Variants in PIEZO2 observed in about 807,000 individuals in gnomAD.
PIEZO2 encodes piezo-type mechanosensitive ion channel component 2.
PIEZO2 carries 172 observed loss-of-function variants against 337.3 expected under a neutral mutation model. The ratio of observed to expected loss-of-function variants is 0.51; its 90% CI spans 0.45 to 0.58. The LOEUF is 0.58. Ranked by LOEUF, PIEZO2 falls within the 20% of genes least tolerant of loss-of-function variation. The pLI, the probability that PIEZO2 is intolerant of heterozygous loss-of-function variation, is 0.00. For synonymous variants in PIEZO2, 1,251 were observed against 1,228.5 expected (o/e 1.02, Z -0.38); for missense variants, 3,028 against 3,391.3 (o/e 0.89, Z 2.66).
At chr18:10,817,782 G>A (rs546210713) in intron 7 of PIEZO2, among the ~76,000 whole-genome samples, 1 of 152,026 alleles carries the variant, frequency 6.6e-6, no homozygotes, top group Non-Finnish European at 1.5e-5. Context: ...AATTAGCTGA[G>A]TGTGGTGGCA....
intron 3 of PIEZO2, among the ~76,000 whole-genome samples, chr18:10,967,258 C>T (rs2034047480): frequency 6.6e-6 from 1 of 152,072 alleles, no homozygotes; most frequent in African/African-American, 2.4e-5. Flanking sequence ...ACCTCATGAT[C>T]CACCTGCCTC....
At chr18:10,814,031 A>G (rs1029657893) in intron 7 of PIEZO2, among the ~76,000 whole-genome samples, 1 of 151,372 alleles carries the variant, frequency 6.6e-6, no homozygotes, top group Non-Finnish European at 1.5e-5. Context: ...GCAGTGGCTC[A>G]ATCTCGGCTC....
chr18:10,698,847 C>G, intron 44 of PIEZO2, 78 bp downstream of exon 44: 1 of 1,504,084 alleles, frequency 6.6e-7, no homozygotes, highest in South Asian at 1.2e-5. Context: ...CACTCCCTTG[C>G]CCCAGACCCA....
At chr18:10,734,669 T>C (rs2036927087) in intron 35 of PIEZO2, among the ~76,000 whole-genome samples, 1 of 152,200 alleles carries the variant, frequency 6.6e-6, no homozygotes, top group African/African-American at 2.4e-5. Flanking sequence ...CAAATAATTT[T>C]TGACAGTGTA....
At chr18:11,082,208 A>G (rs765561688) in intron 1 of PIEZO2, among the ~76,000 whole-genome samples, 11 of 152,238 alleles carry the variant, frequency 7.2e-5, no homozygotes, top group Non-Finnish European at 1.5e-4. Flanking sequence ...CTTTATATTG[A>G]CAACTTAATT....
At chr18:11,090,901 GAGACTCCGTCTAAAAAAAA>G (rs1163077463) in intron 1 of PIEZO2, among the ~76,000 whole-genome samples, 1 of 134,376 alleles carries the variant, frequency 7.4e-6, no homozygotes, top group Non-Finnish European at 1.6e-5. Flanking sequence ...GCGACAGAGC[GAGACTCCGTCTAAAAAAAA>G]AAAAAAAAAA....
intron 20 of PIEZO2, among the ~76,000 whole-genome samples, chr18:10,772,251 T>A (rs189144229): frequency 1.1e-4 from 17 of 152,278 alleles, no homozygotes; most frequent in Admixed American, 1.0e-3. Context: ...CTACTGTATT[T>A]AGAGAGTGAC....
intron 4 of PIEZO2, among the ~76,000 whole-genome samples, chr18:10,891,238 C>T (rs991880496): frequency 5.9e-5 from 9 of 152,048 alleles, no homozygotes; most frequent in Non-Finnish European, 8.8e-5. Flanking sequence ...GCAGGAGAAT[C>T]ACTTGAACCC....
chr18:10,939,517 C>G (rs1195582998), intron 3 of PIEZO2, among the ~76,000 whole-genome samples: 1 of 152,146 alleles, frequency 6.6e-6, no homozygotes, highest in Non-Finnish European at 1.5e-5. Context: ...GGAACCAACC[C>G]AAATACCCAT....
Position 10,680,302 on chromosome 18 carries a change from T to A in PIEZO2, c.7849A>T (p.Asn2617Tyr), listed in dbSNP as rs1478269864. 6.2e-7 allele frequency: 1 copy of A among 1,614,030 alleles called. No individual in the cohort carries two copies. Among genetic ancestry groups the A allele is most frequent in the Non-Finnish European group, 8.5e-7 (1 of 1,179,978 alleles). Residue 2617 changes from asparagine (N) to tyrosine (Y), a missense_variant, in exon 52 of 56, where the codon AAT becomes TAT. Physicochemically the swap from Asn to Tyr is moderately radical, Grantham distance 143. Coordinates refer to ENST00000674853, the MANE Select transcript of PIEZO2 (RefSeq NM_001378183.1). ...GGTGGGCTGATGGTCCACAAAGAATTTGAGTTTCCTTCCAGTTCTGCTACT... is the reference window on the plus strand; with the variant it reads ...GGTGGGCTGATGGTCCACAAAGAATATGAGTTTCCTTCCAGTTCTGCTACT... ...ITVAELEGNS[N>Y]SLWTISPPSK...
chr18:11,138,140 A>T (rs1156976139), intron 1 of PIEZO2, among the ~76,000 whole-genome samples: 2 of 152,212 alleles, frequency 1.3e-5, no homozygotes, highest in Non-Finnish European at 2.9e-5. Context: ...AAAATTAGTC[A>T]GTGAATGTTT....
rs2038668314 is a variant in PIEZO2, at chr18:10,773,315, G to T, written c.2785+97C>A. On this transcript the variant is annotated intron_variant, in intron 20 of 55. Transcript: ENST00000674853. This position sits in a 1 kb window ranked among gnomAD's most constrained non-coding sequence, Gnocchi z 5.3. ...CACTCCAATTTTTATGTCATGGACT[G>T]GGTCAAATATATATTCTTTTGGAGC... 4.8e-6 allele frequency: 6 copies of T among 1,237,970 alleles called. No homozygotes were observed. Among genetic ancestry groups the T allele is most frequent in the Non-Finnish European group, 6.8e-6 (6 of 884,958 alleles). 76.7% of individuals were successfully genotyped at this position (1,237,970 alleles called of 1,614,324 possible).
intron 12 of PIEZO2, among the ~76,000 whole-genome samples, chr18:10,796,303 G>A (rs2144225961): frequency 6.6e-6 from 1 of 152,028 alleles, no homozygotes; most frequent in East Asian, 1.9e-4. Flanking sequence ...CCGAGAGGTG[G>A]AGCTTGCAGT....
At chr18:11,117,170 T>C (rs776913785) in intron 1 of PIEZO2, among the ~76,000 whole-genome samples, 1 of 152,178 alleles carries the variant, frequency 6.6e-6, no homozygotes, top group Non-Finnish European at 1.5e-5. Flanking sequence ...TCCAACACAA[T>C]AAAAATGCTA....
chr18:11,106,349 C>T (rs539413997), intron 1 of PIEZO2, among the ~76,000 whole-genome samples: 14 of 151,134 alleles, frequency 9.3e-5, no homozygotes, highest in East Asian at 5.8e-4. Context: ...CCGCCTGCCT[C>T]GGCCTCCCAA....
In PIEZO2 at chr18:10,854,374, T is replaced by TTCTA. The variant is rs2041642212; in HGVS notation, c.917+975_917+978dup. On this transcript the variant is annotated intron_variant, in intron 7 of 55. Transcript: ENST00000674853. This position sits in a 1 kb window ranked among gnomAD's most constrained non-coding sequence, Gnocchi z 4.6. Reference sequence around the variant, plus strand: ...TTGCAATTAGCAAGCACCAACAAGGTTCTACTTTGTCATTGTGCAACCACC... The same window carrying TTCTA: ...TTGCAATTAGCAAGCACCAACAAGGTTCTATCTACTTTGTCATTGTGCAACCACC... 6.6e-6 allele frequency among the ~76,000 whole-genome samples: 1 copy of TTCTA among 152,190 alleles called. No individual in the cohort carries two copies. The highest frequency in any genetic ancestry group is 1.9e-4 in the East Asian group (1 of 5,198).
intron 3 of PIEZO2, among the ~76,000 whole-genome samples, chr18:10,921,080 T>C (rs533060601): frequency 1.2e-3 from 184 of 152,102 alleles, no homozygotes; most frequent in African/African-American, 4.3e-3. Context: ...ACAAAGAATG[T>C]GCATGGAGGA....
chr18:10,880,095 T>A (rs115380514), intron 4 of PIEZO2, among the ~76,000 whole-genome samples: 2,068 of 152,298 alleles, frequency 0.014, 54 homozygotes, highest in African/African-American at 0.048. Context: ...GATACAAAAG[T>A]GTATCTTTAA....
intron 2 of PIEZO2, among the ~76,000 whole-genome samples, chr18:11,007,738 G>A (rs1045887602): frequency 1.1e-4 from 16 of 152,076 alleles, no homozygotes; most frequent in African/African-American, 3.9e-4. Flanking sequence ...AACTGAGGGG[G>A]GTGGCAAAAA....
Sources: gnomAD v4.1 joint callset for allele counts (sites outside exome capture counted in the v4.1 genomes callset) on GRCh38, gnomAD v4.1.1 for gene constraint, Gnocchi (gnomAD v3.1) non-coding constraint, MANE v1.5 for transcripts, NCBI Gene and HGNC (gene_info 2026-07-23, HGNC 2026-07-21) for gene names.